The following TNK1 variants were observed in gnomAD, a reference collection of about 807,000 sequenced individuals.
TNK1 encodes tyrosine kinase non receptor 1.
Under a neutral mutation model 65.2 loss-of-function variants are expected in TNK1, and 53 were observed. The ratio of observed to expected loss-of-function variants is 0.81; its 90% CI spans 0.65 to 1.02. The LOEUF is 1.02. TNK1 is among the 50% of genes least tolerant of loss of function. The pLI, the probability that TNK1 is intolerant of heterozygous loss-of-function variation, is 0.00. For synonymous variants in TNK1, 353 were observed against 364.6 expected (o/e 0.97, Z 0.36); for missense variants, 837 against 878.4 (o/e 0.95, Z 0.60).
At position 7,389,212 on chromosome 17, in the gene TNK1, C is replaced by T. The variant is rs1187803968; in HGVS notation, c.*128C>T. 2.8e-6 allele frequency: 2 copies of T among 726,146 alleles called. No homozygotes were observed. The highest frequency in any genetic ancestry group is 4.5e-6 in the Non-Finnish European group (2 of 444,462). The allele number at this position is 726,146 out of a possible 1,614,324, so 45.0% of individuals were successfully genotyped here. A position where few individuals can be genotyped will look rare whatever the true frequency, so the allele number is the denominator to read the frequency against. ...AGACGTTCCACCTGGGGAGATCCCA[C>T]CTGCCGTAGGCACATGGAGGAGGAG... On this transcript the variant is annotated 3_prime_UTR_variant, in exon 13 of 13. Transcript: ENST00000688331.
chr17:7,389,385 T>G lies in TNK1; in HGVS notation c.*301T>G. On this transcript the variant is annotated 3_prime_UTR_variant, in exon 13 of 13. Transcript: ENST00000688331. The stretch of plus-strand genomic sequence containing the variant: ...CTTGGAAGAAAAGAGCTGCTATACA[T>G]CATATGCAGAGGAAGCTTCTACGCG... 2.0e-6 allele frequency: 1 copy of G among 506,124 alleles called. No individual in the cohort carries two copies. Among genetic ancestry groups the G allele is most frequent in the Non-Finnish European group, 3.5e-6 (1 of 287,088 alleles). The allele number at this position is 506,124 out of a possible 1,614,324, so 31.4% of individuals were successfully genotyped here.
At chr17:7,387,260 G>C in intron 9 of TNK1, 106 bp downstream of exon 9, 1 of 1,502,974 alleles carries the variant, frequency 6.7e-7, no homozygotes, top group Non-Finnish European at 8.9e-7. Context: ...TGAAGCTGCA[G>C]CCTCCACCCT....
intron 8 of TNK1, 49 bp from the exon 9 acceptor site, chr17:7,386,941 T>TA (rs1448572544): frequency 6.7e-7 from 1 of 1,498,696 alleles, no homozygotes; most frequent in Middle Eastern, 1.7e-4. Flanking sequence ...GGCCCAGCCC[T>TA]AACTCTTGCC....
At chr17:7,383,198 C>A (rs1904927426) in intron 2 of TNK1, 52 bp from the exon 3 acceptor site, 1 of 1,613,014 alleles carries the variant, frequency 6.2e-7, no homozygotes, top group Non-Finnish European at 8.5e-7. Flanking sequence ...AGTCTCTCCG[C>A]ACTCTTCCCC....
Position 7,387,452 on chromosome 17 carries a change from T to C in TNK1, c.1472T>C (p.Met491Thr). 6.3e-7 allele frequency: 1 copy of C among 1,576,944 alleles called. No homozygotes were observed. The highest frequency in any genetic ancestry group is 8.6e-7 in the Non-Finnish European group (1 of 1,161,186). Residue 491 changes from methionine (M) to threonine (T), a missense_variant, in exon 10 of 13, where the codon ATG becomes ACG. Transcript: ENST00000688331. ...GQRRNMPLER[M>T]KGISRSLESV... Reference sequence around the variant, plus strand: ...AGGAGGAACATGCCCCTGGAGAGGATGAAAGGTGGGTGTGGTGGACTCCAG... The same window carrying C: ...AGGAGGAACATGCCCCTGGAGAGGACGAAAGGTGGGTGTGGTGGACTCCAG...
At chr17:7,385,455 C>G (rs1284489483) in intron 7 of TNK1, among the ~76,000 whole-genome samples, 1 of 152,008 alleles carries the variant, frequency 6.6e-6, no homozygotes, top group Non-Finnish European at 1.5e-5. Context: ...GCGTGTTAAG[C>G]TAACACGTAG....
chr17:7,380,340 G>C (rs902247529), upstream of TNK1, among the ~76,000 whole-genome samples: 1 of 152,246 alleles, frequency 6.6e-6, no homozygotes, highest in African/African-American at 2.4e-5. Flanking sequence ...GAGAAGCGGA[G>C]ACAAATGGTC....
At chr17:7,380,283 C>G (rs1904728385), upstream of TNK1, among the ~76,000 whole-genome samples, 1 of 152,290 alleles carries the variant, frequency 6.6e-6, no homozygotes, top group East Asian at 1.9e-4. Flanking sequence ...GGACAGGGGA[C>G]AGACTAGATG....
chr17:7,389,079 C>T lies in TNK1; in HGVS notation c.1981C>T (p.Pro661Ser), dbSNP rs764132544. ...SAASRYVLARP is the reference protein window; with the variant it reads ...SAASRYVLARS ...TGCCAGCCGCTATGTCCTGGCCAGG[C>T]CCTGAGCTCAGCTTCTGCGGGCACA... The change falls in exon 13 of 13, where the codon CCC (proline) becomes TCC (serine). Residue 661 changes from proline (P) to serine (S), a missense_variant. Transcript: ENST00000688331. 1.2e-4 allele frequency: 189 copies of T among 1,551,984 alleles called. 2 individuals are homozygous for T. Among genetic ancestry groups the T allele is most frequent in the Non-Finnish European group, 1.0e-4 (115 of 1,147,136 alleles).
chr17:7,383,786 G>T lies in TNK1; in HGVS notation c.504G>T (p.Glu168Asp). 1 of 1,613,242 alleles carries T rather than the reference G, an allele frequency of 6.2e-7. No individual in the cohort carries two copies. The highest frequency in any genetic ancestry group is 8.5e-7 in the Non-Finnish European group (1 of 1,179,584). ...MGTELGDFLREVSVMMNLEHP... is the reference protein window; with the variant it reads ...MGTELGDFLRDVSVMMNLEHP... ...CAGAACTGGGGGACTTCCTGCGAGA[G>T]GTATCGGTCATGATGAACTTGGAGC... Residue 168 changes from glutamate (E) to aspartate (D), a missense_variant, in exon 5 of 13, where the codon GAG becomes GAT. By Grantham distance (45) the Glu-to-Asp change is conservative. Transcript: ENST00000688331.
At chr17:7,381,002 C>A (rs2143073786), upstream of TNK1, 1 of 152,426 alleles carries the variant, frequency 6.6e-6, no homozygotes, top group East Asian at 1.9e-4. Flanking sequence ...CTCGCCGGCC[C>A]CGGGCCAGCG....
In TNK1 at chr17:7,388,450, C is replaced by A. The variant is rs753875023; in HGVS notation, c.1522C>A (p.Pro508Thr). The A allele has an allele frequency of 1.9e-6, 3 of 1,613,648 alleles. No homozygotes were observed. In the African/African-American group the frequency reaches 4.0e-5, roughly 22 times the overall value. Residue 508 changes from proline to threonine, a missense_variant, in exon 11 of 13, where the codon CCC (proline) becomes ACC (threonine). Coordinates refer to ENST00000688331, the MANE Select transcript of TNK1 (RefSeq NM_003985.6). This position sits in a 1 kb window ranked among gnomAD's most constrained non-coding sequence, Gnocchi z 4.5. ...LESVLSLGPR[P>T]TGGGSSPPEI... ...GTCAGTTCTGTCCCTCGGTCCTCGT[C>A]CCACAGGGGGTGGTTCAAGCCCCCC...
In TNK1 at chr17:7,387,377, G is replaced by A. The variant is rs764523338; in HGVS notation, c.1398-1G>A. The A allele has an allele frequency of 5.0e-6, 8 of 1,603,086 alleles. No individual in the cohort carries two copies. The highest frequency in any genetic ancestry group is 4.0e-5 in the African/African-American group (3 of 74,744). On this transcript the variant is annotated splice_acceptor_variant, in intron 9 of 12. Transcript: ENST00000688331. LOFTEE classifies it high-confidence loss of function. ...GGATGAACTGGATCCCTCTCCGACAGAGACAGAAAGAAGGCAAATCTTTGG... is the reference window on the plus strand; with the variant it reads ...GGATGAACTGGATCCCTCTCCGACAAAGACAGAAAGAAGGCAAATCTTTGG...
intron 10 of TNK1, among the ~76,000 whole-genome samples, chr17:7,387,692 C>T (rs1485532344): frequency 5.9e-5 from 9 of 151,912 alleles, no homozygotes; most frequent in African/African-American, 1.9e-4. Context: ...GCAACCTCCA[C>T]CTCCCGGGTT....
chr17:7,385,139 C>T lies in TNK1; in HGVS notation c.1137+385C>T, dbSNP rs183263893. On this transcript the variant is annotated intron_variant, in intron 7 of 12. Coordinates refer to ENST00000688331, the MANE Select transcript of TNK1 (RefSeq NM_003985.6). ...CAGCACTTTGGGAGGCGGAGGTGGG[C>T]AGATCACCTGAGGTCGGGAGTTCAA... Among the ~76,000 whole-genome samples the T allele has an allele frequency of 2.0e-5, 3 of 152,166 alleles. No individual in the cohort carries two copies. In the East Asian group the frequency reaches 5.8e-4, roughly 29 times the overall value.
In TNK1 at chr17:7,383,476, A is replaced by G; in HGVS notation, c.286A>G (p.Ser96Gly). Residue 96 changes from serine to glycine, a missense_variant, in exon 4 of 13, where the codon AGC becomes GGC. By Grantham distance (56) the Ser-to-Gly change is moderately conservative. Coordinates refer to ENST00000688331, the MANE Select transcript of TNK1 (RefSeq NM_003985.6). ...EHKEPTLPSD[S>G]PRHLPEPEGG... ...CAAGGAGCCCACCCTGCCCTCGGACAGCCCACGGCACCTCCCTGAGCCAGA... is the reference window on the plus strand; with the variant it reads ...CAAGGAGCCCACCCTGCCCTCGGACGGCCCACGGCACCTCCCTGAGCCAGA... The G allele has an allele frequency of 6.2e-7, 1 of 1,613,938 alleles. No individual in the cohort carries two copies. The highest frequency in any genetic ancestry group is 1.1e-5 in the South Asian group (1 of 91,090).
rs1904911548 is a variant in TNK1 at position 7,382,999 on chromosome 17, C to G, written c.73C>G (p.Pro25Ala). The G allele has an allele frequency of 6.2e-7, 1 of 1,613,902 alleles. No individual in the cohort carries two copies. Among genetic ancestry groups the G allele is most frequent in the African/African-American group, 1.3e-5 (1 of 74,918 alleles). Residue 25 changes from proline (P) to alanine (A), a missense_variant, in exon 2 of 13, where the codon CCC becomes GCC. Transcript: ENST00000688331. This position sits in a 1 kb window ranked among gnomAD's most constrained non-coding sequence, Gnocchi z 4.1. ...CATCCAGTTGGCCCAGTTTTACTGGCCCATCCTTGAGGAGCTTAATGTCAC... is the reference window on the plus strand; with the variant it reads ...CATCCAGTTGGCCCAGTTTTACTGGGCCATCCTTGAGGAGCTTAATGTCAC... ...RDIQLAQFYW[P>A]ILEELNVTRP...
Position 7,386,614 on chromosome 17 carries a change from G to A in TNK1, c.1191G>A (p.Leu397=). The stretch of plus-strand genomic sequence containing the variant: ...GGGATGTCACAGAACCAGGCGCCCT[G>A]AGGATGGAGACTGGTGACCCCATCA... ...CVRDVTEPGA[L]RMETGDPITV... The change falls in exon 8 of 13, where the codon CTG becomes CTA. Residue 397 remains leucine (L), a synonymous_variant. Coordinates refer to ENST00000688331, the MANE Select transcript of TNK1 (RefSeq NM_003985.6). 1 of 1,603,214 alleles carries A rather than the reference G, an allele frequency of 6.2e-7. No individual in the cohort carries two copies. The highest frequency in any genetic ancestry group is 1.1e-5 in the South Asian group (1 of 88,738).
chr17:7,385,306 G>A (rs1273338397), intron 7 of TNK1, among the ~76,000 whole-genome samples: 7 of 150,886 alleles, frequency 4.6e-5, no homozygotes, highest in East Asian at 2.0e-4. Flanking sequence ...CAGAGGTTGC[G>A]GTGAGCCGAG....
Sources: allele counts gnomAD v4.1 joint callset (sites outside exome capture counted in the v4.1 genomes callset), GRCh38; gene constraint gnomAD v4.1.1; non-coding constraint Gnocchi (gnomAD v3.1); transcripts MANE v1.5; gene names NCBI Gene and HGNC (gene_info 2026-07-23, HGNC 2026-07-21).